COL5A1: variants seen among roughly 807,000 people sequenced by gnomAD.
The protein encoded by COL5A1 is collagen alpha-1(V) chain.
In COL5A1, 16 loss-of-function variants were observed where a neutral mutation model predicts 263.7. The observed-to-expected ratio is 0.06, with a 90% CI of 0.04 to 0.09. The LOEUF (loss-of-function observed/expected upper bound fraction) is 0.09. COL5A1 is among the 10% of genes least tolerant of loss of function. COL5A1 has a pLI of 1.00. For missense variants in COL5A1, 2,036 were observed against 2,540.5 expected (o/e 0.80, Z 4.27); for synonymous variants, 1,012 against 1,004.5 (o/e 1.01, Z -0.14).
intron 18 of COL5A1, among the ~76,000 whole-genome samples, chr9:134,759,767 AC>A (rs1260545486): frequency 5.6e-5 from 5 of 88,964 alleles, no homozygotes; most frequent in Non-Finnish European, 1.1e-4. Flanking sequence ...ACACCCACGC[AC>A]CCCCACACTC....
chr9:134,803,471 C>A (rs150804488), intron 39 of COL5A1, among the ~76,000 whole-genome samples: 2,273 of 152,210 alleles, frequency 0.015, 78 homozygotes, highest in Admixed American at 0.085. Context: ...CCCATCTGTA[C>A]TAAAAATACA....
At chr9:134,734,847 T>A (rs192035185) in intron 9 of COL5A1, among the ~76,000 whole-genome samples, 1 of 152,356 alleles carries the variant, frequency 6.6e-6, no homozygotes, top group Admixed American at 6.5e-5. Flanking sequence ...GTTTACCAGA[T>A]GGGTGGACCC....
intron 46 of COL5A1, 82 bp from the exon 47 acceptor site, chr9:134,812,366 TG>T: frequency 7.1e-7 from 1 of 1,407,618 alleles, no homozygotes; most frequent in Non-Finnish European, 1.0e-6. Context: ...TGGTGCTGTG[TG>T]GGTGGAGGTC....
At chr9:134,814,445 G>A (rs1838661395) in intron 49 of COL5A1, among the ~76,000 whole-genome samples, 1 of 152,194 alleles carries the variant, frequency 6.6e-6, no homozygotes, top group African/African-American at 2.4e-5. Flanking sequence ...GTGGACTCGG[G>A]TCTTCTGGTT....
intron 4 of COL5A1, among the ~76,000 whole-genome samples, chr9:134,713,345 C>T (rs970558934): frequency 3.3e-5 from 5 of 152,210 alleles, no homozygotes; most frequent in African/African-American, 4.8e-5. Flanking sequence ...AACCCCAGAG[C>T]GCTCCTCCCT....
At position 134,690,915 on chromosome 9, in the gene COL5A1, A is replaced by G. The variant is rs770472062; in HGVS notation, c.113A>G (p.Gln38Arg). 6.2e-7 allele frequency: 1 copy of G among 1,613,660 alleles called. No individual in the cohort carries two copies. Among genetic ancestry groups the G allele is most frequent in the Non-Finnish European group, 8.5e-7 (1 of 1,180,030 alleles). The change falls in exon 2 of 66, where the codon CAG (glutamine) becomes CGG (arginine). Residue 38 changes from glutamine to arginine, a missense_variant. Coordinates refer to ENST00000371817, the MANE Select transcript of COL5A1 (RefSeq NM_000093.5). ...LWAPPPSRAA[Q>R]PADLLKVLDF... Reference sequence around the variant, plus strand: ...TGCTCCTCCTCTGTCATTTCAGCTCAGCCAGCAGATCTCCTGAAGGTTCTA... The same window carrying G: ...TGCTCCTCCTCTGTCATTTCAGCTCGGCCAGCAGATCTCCTGAAGGTTCTA...
chr9:134,828,971 C>G (rs1412095837), intron 63 of COL5A1, among the ~76,000 whole-genome samples: 1 of 150,902 alleles, frequency 6.6e-6, no homozygotes, highest in Non-Finnish European at 1.5e-5. Context: ...ACCCTTCACA[C>G]AGACATACCC....
At position 134,775,886 on chromosome 9, in the gene COL5A1, G is replaced by A. The variant is rs528209168; in HGVS notation, c.2385+974G>A. ...TGTTGCACATCAGAAGTGTGTGGCC[G>A]CCCTGGGGCATGGAGGCCAACTGGA... On this transcript the variant is annotated intron_variant, in intron 27 of 65. Transcript: ENST00000371817. 4.9e-4 allele frequency among the ~76,000 whole-genome samples: 75 copies of A among 152,276 alleles called. 1 individual carries two copies. Among genetic ancestry groups the A allele is most frequent in the Admixed American group, 1.2e-3 (18 of 15,300 alleles).
chr9:134,789,560 G>A lies in COL5A1; in HGVS notation c.2700+352G>A, dbSNP rs1837597434. 6.6e-6 allele frequency among the ~76,000 whole-genome samples: 1 copy of A among 152,156 alleles called. No individual in the cohort carries two copies. Among genetic ancestry groups the A allele is most frequent in the South Asian group, 2.1e-4 (1 of 4,828 alleles). On this transcript the variant is annotated intron_variant, in intron 32 of 65. Coordinates refer to ENST00000371817, the MANE Select transcript of COL5A1 (RefSeq NM_000093.5). The surrounding 1 kb of genome is among the most constrained non-coding windows in gnomAD (Gnocchi z 4.8). ...TTTTCCTCCAAGCTAATTTTAAAAG[G>A]AAGGGAAAAAGGAGATTGTTTTTTC...
intron 5 of COL5A1, among the ~76,000 whole-genome samples, chr9:134,728,341 C>T (rs543575114): frequency 1.1e-4 from 17 of 152,374 alleles, no homozygotes; most frequent in East Asian, 1.9e-4. Flanking sequence ...GACATGGTGA[C>T]GGCTGCACAG....
intron 14 of COL5A1, among the ~76,000 whole-genome samples, chr9:134,753,101 C>G (rs1835847439): frequency 7.3e-6 from 1 of 137,844 alleles, no homozygotes; most frequent in South Asian, 2.2e-4. Flanking sequence ...TGGGGAAGTC[C>G]CTCGCACAGG....
Position 134,779,279 on chromosome 9 carries a change from T to A in COL5A1, c.2386-823T>A, listed in dbSNP as rs147047555. On this transcript the variant is annotated intron_variant, in intron 27 of 65. Coordinates refer to ENST00000371817, the MANE Select transcript of COL5A1 (RefSeq NM_000093.5). ...AAGTCAAAGACATTAACAGCAAGGG[T>A]GTGGCTGCGTAATTCCACCCCACAG... Among the ~76,000 whole-genome samples, 352 of 152,226 alleles carry A rather than the reference T, an allele frequency of 2.3e-3. 3 individuals are homozygous for A. Among genetic ancestry groups the A allele is most frequent in the African/African-American group, 7.8e-3 (325 of 41,530 alleles).
Position 134,835,218 on chromosome 9 carries a change from G to A in COL5A1, c.5370+14G>A, listed in dbSNP as rs201082330. On this transcript the variant is annotated intron_variant, in intron 65 of 65. Coordinates refer to ENST00000371817, the MANE Select transcript of COL5A1 (RefSeq NM_000093.5). ...GACGGCTGTGCTGTGAGTATCCCGC[G>A]CCGCGCCCAGCACCCCTGCTCACGC... The A allele has an allele frequency of 7.2e-5, 116 of 1,607,252 alleles. No homozygotes were observed. Among genetic ancestry groups the A allele is most frequent in the African/African-American group, 7.1e-4 (53 of 74,946 alleles).
Position 134,695,439 on chromosome 9 carries a change from G to A in COL5A1, c.277+4360G>A, listed in dbSNP as rs149669965. Among the ~76,000 whole-genome samples the A allele has an allele frequency of 2.9e-3, 436 of 152,332 alleles. 2 individuals are homozygous for A. The highest frequency in any genetic ancestry group is 0.01 in the African/African-American group (416 of 41,576). ...GCCCTGGGACCCTCCACAGGATTGC[G>A]CTGAGTGCTGGACGAGGGTGGCAGG... On this transcript the variant is annotated intron_variant, in intron 2 of 65. Transcript: ENST00000371817.
At chr9:134,745,209 G>A (rs2132668996) in intron 11 of COL5A1, among the ~76,000 whole-genome samples, 1 of 152,358 alleles carries the variant, frequency 6.6e-6, no homozygotes, top group Middle Eastern at 3.4e-3. Context: ...CGAGCTCAGT[G>A]TTGAAGATTC....
At position 134,822,160 on chromosome 9, in the gene COL5A1, T is replaced by C. The variant is rs1026752641; in HGVS notation, c.4608+10T>C. On this transcript the variant is annotated intron_variant, in intron 59 of 65. Transcript: ENST00000371817. ...GCCCCCTGGCCTGCCGGTGTGTATC[T>C]GGGAGGGGCTTGGTCATTCCTGGGA... 1 of 1,377,872 alleles carries C rather than the reference T, an allele frequency of 7.3e-7. No individual in the cohort carries two copies. Among genetic ancestry groups the C allele is most frequent in the Non-Finnish European group, 1.0e-6 (1 of 1,002,882 alleles). 85.4% of individuals were successfully genotyped at this position (1,377,872 alleles called of 1,614,324 possible). A position where few individuals can be genotyped will look rare whatever the true frequency, so the allele number is the denominator to read the frequency against.
chr9:134,772,187 G>A (rs369352391), intron 25 of COL5A1, among the ~76,000 whole-genome samples: 2 of 152,194 alleles, frequency 1.3e-5, no homozygotes, highest in South Asian at 2.1e-4. Flanking sequence ...CGGATGTGCT[G>A]GGACCCCTCA....
At chr9:134,726,882 G>T (rs1477567512) in intron 4 of COL5A1, among the ~76,000 whole-genome samples, 3 of 151,628 alleles carry the variant, frequency 2.0e-5, no homozygotes, top group African/African-American at 7.3e-5. Context: ...TAGGTGAATG[G>T]GTGAATGGAT....
chr9:134,806,638 T>G (rs1359094328), intron 42 of COL5A1, among the ~76,000 whole-genome samples: 2 of 152,202 alleles, frequency 1.3e-5, no homozygotes. Flanking sequence ...AGACAGTCAG[T>G]GCGCTGTGGA....
Sources: gnomAD v4.1 joint callset for allele counts (sites outside exome capture counted in the v4.1 genomes callset) on GRCh38, gnomAD v4.1.1 for gene constraint, Gnocchi (gnomAD v3.1) non-coding constraint, MANE v1.5 for transcripts, NCBI Gene and HGNC (gene_info 2026-07-23, HGNC 2026-07-21) for gene names.